The following FBN2 variants were observed in gnomAD, a reference collection of about 807,000 sequenced individuals.
The protein encoded by FBN2 is fibrillin 2, also known as fibrillin-2.
In FBN2, 105 loss-of-function variants were observed where a neutral mutation model predicts 355.6. The ratio of observed to expected loss-of-function variants is 0.30; its 90% CI spans 0.25 to 0.35. FBN2 has a LOEUF of 0.35. FBN2 is among the 10% of genes least tolerant of loss of function. The probability of loss-of-function intolerance (pLI) is 1.00; values close to 1 mark genes in which losing one functional copy is unlikely to be tolerated. For synonymous variants in FBN2, 1,350 were observed against 1,301.2 expected, an observed-to-expected ratio of 1.04 and a Z score of -0.81; for missense variants, 3,280 against 3,758.7, an observed-to-expected ratio of 0.87 and a Z score of 3.33.
intron 5 of FBN2, among the ~76,000 whole-genome samples, chr5:128,480,230 G>T (rs1285871866): frequency 1.3e-5 from 2 of 148,410 alleles, no homozygotes; most frequent in South Asian, 4.2e-4. Flanking sequence ...ACTCCACATG[G>T]TATTAAAACT....
intron 23 of FBN2, among the ~76,000 whole-genome samples, chr5:128,348,532 T>G (rs894384849): frequency 1.6e-4 from 25 of 152,080 alleles, no homozygotes; most frequent in Non-Finnish European, 2.9e-4. Context: ...CAGTAAATTT[T>G]AAAAATCACT....
At chr5:128,512,726 G>T (rs1388080269) in intron 5 of FBN2, among the ~76,000 whole-genome samples, 1 of 151,948 alleles carries the variant, frequency 6.6e-6, no homozygotes. Context: ...AGCCTTATTT[G>T]TATGACTTAA....
At chr5:128,410,287 T>G (rs1753030720) in intron 7 of FBN2, among the ~76,000 whole-genome samples, 1 of 152,196 alleles carries the variant, frequency 6.6e-6, no homozygotes, top group Admixed American at 6.5e-5. Flanking sequence ...TGTTGCTATC[T>G]TAGTGCAGTG....
chr5:128,500,471 C>A (rs1028427346), intron 5 of FBN2, among the ~76,000 whole-genome samples: 125 of 115,034 alleles, frequency 1.1e-3, no homozygotes, highest in Non-Finnish European at 3.2e-4. Context: ...CAGACAGGGT[C>A]TCGCTCTTCC....
intron 48 of FBN2, among the ~76,000 whole-genome samples, chr5:128,294,847 C>T (rs944653915): frequency 8.6e-6 from 1 of 116,168 alleles, no homozygotes; most frequent in Admixed American, 9.4e-5. Flanking sequence ...TAATTAGATC[C>T]CATTTGTCAA....
intron 53 of FBN2, among the ~76,000 whole-genome samples, chr5:128,288,005 G>C (rs41080): frequency 0.12 from 17,657 of 152,140 alleles, 2,030 homozygotes; most frequent in East Asian, 0.6. Context: ...CCGCCCTTCT[G>C]AGGCCTGAGG....
At chr5:128,431,597 A>G (rs1172912864) in intron 7 of FBN2, among the ~76,000 whole-genome samples, 2 of 152,232 alleles carry the variant, frequency 1.3e-5, no homozygotes, top group African/African-American at 4.8e-5. Flanking sequence ...TAACTTTAGC[A>G]TATGACTTTT....
chr5:128,524,595 C>T lies in FBN2; in HGVS notation c.532+3277G>A, dbSNP rs114099430. On this transcript the variant is annotated intron_variant, in intron 4 of 64. Transcript: ENST00000262464. ...TATAATGTTCATTTTAGCAAGCATC[C>T]TATTTCCAAGACTTTTCTGGATTCA... is the stretch of plus-strand genomic sequence containing the variant. 3.5e-3 allele frequency among the ~76,000 whole-genome samples: 528 copies of T among 152,214 alleles called. 4 individuals carry two copies. Among genetic ancestry groups the T allele is most frequent in the African/African-American group, 0.012 (513 of 41,552 alleles).
intron 3 of FBN2, among the ~76,000 whole-genome samples, chr5:128,529,114 T>G (rs1174658097): frequency 6.6e-6 from 1 of 152,222 alleles, no homozygotes; most frequent in Non-Finnish European, 1.5e-5. Flanking sequence ...AAGTTTCAAT[T>G]GCTTGCTATT....
At chr5:128,509,313 T>G (rs914034609) in intron 5 of FBN2, among the ~76,000 whole-genome samples, 16 of 152,150 alleles carry the variant, frequency 1.1e-4, no homozygotes, top group Non-Finnish European at 2.2e-4. Flanking sequence ...AAATAATTTC[T>G]GTTGCTATGT....
intron 7 of FBN2, among the ~76,000 whole-genome samples, chr5:128,436,682 G>GA (rs368032823): frequency 0.021 from 3,094 of 144,582 alleles, 47 homozygotes; most frequent in Non-Finnish European, 0.033. Context: ...AAAAAAAAAA[G>GA]AAAAAAAAGT....
intron 62 of FBN2, among the ~76,000 whole-genome samples, chr5:128,264,181 T>C (rs912397057): frequency 1.3e-5 from 2 of 152,204 alleles, no homozygotes; most frequent in Non-Finnish European, 2.9e-5. Context: ...GAGAAGTTTA[T>C]GATATATCAA....
chr5:128,334,988 T>C, intron 30 of FBN2, 144 bp from the exon 31 acceptor site: 1 of 1,163,526 alleles, frequency 8.6e-7, no homozygotes, highest in Non-Finnish European at 1.3e-6. Context: ...TATAGATAAA[T>C]ATACAACCTG....
intron 13 of FBN2, among the ~76,000 whole-genome samples, 165 bp downstream of exon 13, chr5:128,377,587 C>G (rs1395943702): frequency 6.6e-6 from 1 of 151,888 alleles, no homozygotes; most frequent in Non-Finnish European, 1.5e-5. Context: ...AAAAACCTGT[C>G]CTTTTGCTTT....
chr5:128,451,550 G>A lies in FBN2; in HGVS notation c.827-4944C>T, dbSNP rs114855740. Among the ~76,000 whole-genome samples, 366 of 152,240 alleles carry A rather than the reference G, an allele frequency of 2.4e-3. 3 individuals are homozygous for A. Among genetic ancestry groups the A allele is most frequent in the African/African-American group, 8.1e-3 (337 of 41,540 alleles). On this transcript the variant is annotated intron_variant, in intron 6 of 64. Coordinates refer to ENST00000262464, the MANE Select transcript of FBN2 (RefSeq NM_001999.4). ...TGAGTAGCTGGGATTACAGGCATGA[G>A]ACACCTCATCCGGCTAATTTTGTAC...
chr5:128,519,174 T>C, intron 5 of FBN2, 99 bp downstream of exon 5: 2 of 833,610 alleles, frequency 2.4e-6, no homozygotes, highest in Non-Finnish European at 4.0e-6. Context: ...AGTAAAAATA[T>C]AATTTCATTA....
chr5:128,422,856 C>A (rs1753386477), intron 7 of FBN2, among the ~76,000 whole-genome samples: 1 of 152,022 alleles, frequency 6.6e-6, no homozygotes, highest in African/African-American at 2.4e-5. Context: ...TGGTACTATC[C>A]TTTTTTTCCA....
Position 128,328,841 on chromosome 5 carries a change from A to C in FBN2, c.4346-20T>G. ...CAACATCTGTGCAAAAAAGCAAATT[A>C]CATCTCTGTTAAGTTCCAAATTTCA... On this transcript the variant is annotated intron_variant, in intron 33 of 64. Transcript: ENST00000262464. 1 of 1,613,896 alleles carries C rather than the reference A, an allele frequency of 6.2e-7. No homozygotes were observed.
intron 2 of FBN2, among the ~76,000 whole-genome samples, chr5:128,532,371 G>A (rs1756732125): frequency 6.6e-6 from 1 of 152,198 alleles, no homozygotes; most frequent in Admixed American, 6.5e-5. Context: ...TAGGCTCACT[G>A]ACACAATACA....
Sources: allele counts gnomAD v4.1 joint callset (sites outside exome capture counted in the v4.1 genomes callset), GRCh38; gene constraint gnomAD v4.1.1; transcripts MANE v1.5; gene names NCBI Gene and HGNC (gene_info 2026-07-23, HGNC 2026-07-21).